The following GNG4 variants were observed in gnomAD, a reference collection of about 807,000 sequenced individuals.
GNG4 encodes guanine nucleotide-binding protein G(I)/G(S)/G(O) subunit gamma-4.
A neutral mutation model predicts 5.8 loss-of-function variants in GNG4; 4 were observed. That is an observed-to-expected ratio of 0.69 (90% CI 0.34 to 1.57). The LOEUF (loss-of-function observed/expected upper bound fraction) is 1.57. Ranked by LOEUF, GNG4 falls within the 40% of genes most tolerant of loss-of-function variation. GNG4 has a pLI of 0.06. For synonymous variants in GNG4, 29 were observed against 32.9 expected, an observed-to-expected ratio of 0.88 and a Z score of 0.41; for missense variants, 96 against 95.1, an observed-to-expected ratio of 1.01 and a Z score of -0.04.
intron 1 of GNG4, among the ~76,000 whole-genome samples, chr1:235,625,023 C>T (rs1470925342): frequency 6.6e-6 from 1 of 152,118 alleles, no homozygotes; most frequent in East Asian, 1.9e-4. Flanking sequence ...CTGGTGGATG[C>T]GGGCAGCTGC....
At chr1:235,637,471 G>A (rs1369322201) in intron 1 of GNG4, among the ~76,000 whole-genome samples, 1 of 152,008 alleles carries the variant, frequency 6.6e-6, no homozygotes, top group Non-Finnish European at 1.5e-5. Context: ...TGGGCAACAT[G>A]GCGAAACCCC....
intron 1 of GNG4, among the ~76,000 whole-genome samples, chr1:235,598,269 C>T (rs1688172740): frequency 6.6e-6 from 1 of 152,196 alleles, no homozygotes; most frequent in East Asian, 1.9e-4. Context: ...GCAACCAGAG[C>T]TTCTCAGACT....
intron 1 of GNG4, among the ~76,000 whole-genome samples, chr1:235,602,415 T>C (rs1342320933): frequency 1.3e-5 from 2 of 152,138 alleles, no homozygotes; most frequent in African/African-American, 2.4e-5. Context: ...CGTCCCCAAA[T>C]TCCCCCTGGA....
intron 1 of GNG4, among the ~76,000 whole-genome samples, chr1:235,639,091 A>G (rs1571927480): frequency 6.6e-6 from 1 of 152,150 alleles, no homozygotes; most frequent in East Asian, 1.9e-4. Context: ...AGATGCGCCT[A>G]TCTTCCTCTT....
chr1:235,611,082 C>T, intron 1 of GNG4, among the ~76,000 whole-genome samples: 1 of 151,854 alleles, frequency 6.6e-6, no homozygotes, highest in South Asian at 2.1e-4. Context: ...AGCGAGACTT[C>T]ATCTCAAAGA....
At chr1:235,563,456 T>C (rs1687121618) in intron 3 of GNG4, among the ~76,000 whole-genome samples, 1 of 143,770 alleles carries the variant, frequency 7.0e-6, no homozygotes, top group Non-Finnish European at 1.5e-5. Flanking sequence ...ATAGCCTTAA[T>C]ATGTTTATAA....
intron 3 of GNG4, among the ~76,000 whole-genome samples, chr1:235,567,976 G>A (rs1449606743): frequency 6.6e-6 from 1 of 152,014 alleles, no homozygotes; most frequent in East Asian, 1.9e-4. Flanking sequence ...ACAGGCCCTT[G>A]CACAACATCC....
chr1:235,622,724 T>C (rs1280745635), intron 1 of GNG4, among the ~76,000 whole-genome samples: 1 of 151,734 alleles, frequency 6.6e-6, no homozygotes, highest in Admixed American at 6.6e-5. Flanking sequence ...CTACTAAAAA[T>C]ACAAAAATTA....
intron 1 of GNG4, among the ~76,000 whole-genome samples, chr1:235,646,693 C>G (rs564648692): frequency 1.3e-5 from 2 of 152,326 alleles, no homozygotes; most frequent in South Asian, 4.1e-4. Flanking sequence ...ACACAGCCGG[C>G]TTTCCCTTAT....
At chr1:235,615,743 C>A (rs1203876009) in intron 1 of GNG4, 2 of 251,712 alleles carry the variant, frequency 7.9e-6, no homozygotes. Context: ...CCAAGAAGCA[C>A]CAGGAGGAGG....
rs1657593731 is a variant in GNG4 at position 235,649,192 on chromosome 1, G to A, written c.-123+470C>T. ...GTCTGGGCTGCTGGGGAGCCAGGAGGGCTTCCTCAGGCACTCGCCAGAAAC... is the reference window on the plus strand; with the variant it reads ...GTCTGGGCTGCTGGGGAGCCAGGAGAGCTTCCTCAGGCACTCGCCAGAAAC... On this transcript the variant is annotated intron_variant, in intron 1 of 3. Transcript: ENST00000391854. The surrounding 1 kb of genome is among the most constrained non-coding windows in gnomAD (Gnocchi z 5.7). Among the ~76,000 whole-genome samples the A allele has an allele frequency of 6.6e-6, 1 of 152,110 alleles. No individual in the cohort carries two copies. Among genetic ancestry groups the A allele is most frequent in the African/African-American group, 2.4e-5 (1 of 41,426 alleles).
At chr1:235,578,049 T>C (rs886303421) in intron 3 of GNG4, among the ~76,000 whole-genome samples, 1 of 152,268 alleles carries the variant, frequency 6.6e-6, no homozygotes, top group Admixed American at 6.5e-5. Flanking sequence ...ACCTTTTCTT[T>C]TTTTTTCTTT....
At chr1:235,583,239 C>T (rs535099314) in intron 3 of GNG4, among the ~76,000 whole-genome samples, 1 of 152,180 alleles carries the variant, frequency 6.6e-6, no homozygotes, top group African/African-American at 2.4e-5. Context: ...GTCCTCCCAG[C>T]GTGGAGAGAC....
intron 3 of GNG4, among the ~76,000 whole-genome samples, chr1:235,582,775 CG>C (rs2102940969): frequency 6.6e-6 from 1 of 152,308 alleles, no homozygotes; most frequent in South Asian, 2.1e-4. Flanking sequence ...ACTTACATCA[CG>C]CTGGATTCCT....
chr1:235,573,331 G>C (rs1381564677), intron 3 of GNG4, among the ~76,000 whole-genome samples: 3 of 138,544 alleles, frequency 2.2e-5, no homozygotes, highest in East Asian at 4.3e-4. Context: ...TCAAGGGGTG[G>C]GGGGAGGGGG....
chr1:235,624,149 C>G (rs940312064), intron 1 of GNG4, among the ~76,000 whole-genome samples: 1 of 150,402 alleles, frequency 6.6e-6, no homozygotes, highest in African/African-American at 2.5e-5. Context: ...ATCACCCAGG[C>G]TGGAGTGCAG....
intron 3 of GNG4, among the ~76,000 whole-genome samples, chr1:235,577,916 T>C (rs1456182044): frequency 1.3e-5 from 2 of 152,116 alleles, no homozygotes; most frequent in Non-Finnish European, 2.9e-5. Context: ...AGAAAGGCCA[T>C]TGCCTTTCCC....
At chr1:235,630,717 C>G (rs888629267) in intron 1 of GNG4, among the ~76,000 whole-genome samples, 1 of 152,112 alleles carries the variant, frequency 6.6e-6, no homozygotes, top group Non-Finnish European at 1.5e-5. Flanking sequence ...GACACGGGCT[C>G]TGGAAGAGGA....
chr1:235,589,840 T>C (rs1050786429), intron 2 of GNG4, among the ~76,000 whole-genome samples: 2 of 152,174 alleles, frequency 1.3e-5, no homozygotes, highest in Non-Finnish European at 2.9e-5. Context: ...TTGAGCTGGG[T>C]GGGTCCTTGG....
Sources: gnomAD v4.1 joint callset for allele counts (sites outside exome capture counted in the v4.1 genomes callset) on GRCh38, gnomAD v4.1.1 for gene constraint, Gnocchi (gnomAD v3.1) non-coding constraint, MANE v1.5 for transcripts, NCBI Gene and HGNC (gene_info 2026-07-23, HGNC 2026-07-21) for gene names.